Variants in DIP2C observed in about 807,000 individuals in gnomAD.
DIP2C encodes disco-interacting protein 2 homolog C.
A neutral mutation model predicts 192.4 loss-of-function variants in DIP2C; 33 were observed. The observed-to-expected ratio is 0.17, with a 90% CI of 0.13 to 0.23. The LOEUF (loss-of-function observed/expected upper bound fraction) is 0.23, where lower values mean the gene tolerates loss of function less well. Ranked by LOEUF, DIP2C falls within the 10% of genes least tolerant of loss-of-function variation. The probability of loss-of-function intolerance (pLI) is 1.00; values close to 1 mark genes in which losing one functional copy is unlikely to be tolerated. For synonymous variants in DIP2C, 979 were observed against 864.1 expected, an observed-to-expected ratio of 1.13 and a Z score of -2.33; for missense variants, 1,537 against 2,110.1, an observed-to-expected ratio of 0.73 and a Z score of 5.32.
intron 1 of DIP2C, among the ~76,000 whole-genome samples, chr10:556,086 A>AC (rs369490169): frequency 1.0e-4 from 5 of 48,236 alleles, no homozygotes; most frequent in African/African-American, 1.8e-4. Context: ...GCACCCACCC[A>AC]CCCCCCCTTC....
Position 422,930 on chromosome 10 carries a change from C to T in DIP2C, c.498G>A (p.Gln166=). The T allele has an allele frequency of 6.2e-7, 1 of 1,614,148 alleles. No individual in the cohort carries two copies. The highest frequency in any genetic ancestry group is 8.5e-7 in the Non-Finnish European group (1 of 1,180,038). Residue 166 remains glutamine (Q), a synonymous_variant, in exon 5 of 37, where the codon CAG becomes CAA. Transcript: ENST00000280886. Reference sequence around the variant, plus strand: ...TGGACGTGGTGGAGCCGTGGATGGCCTGGCTGATCCAGTGCTCCATATTGA... The same window carrying T: ...TGGACGTGGTGGAGCCGTGGATGGCTTGGCTGATCCAGTGCTCCATATTGA... The part of the protein sequence containing the change: ...GSINMEHWIS[Q]AIHGSTTSTT...
chr10:539,668 C>CA (rs1456536586), intron 1 of DIP2C, among the ~76,000 whole-genome samples: 1 of 152,322 alleles, frequency 6.6e-6, no homozygotes, highest in East Asian at 1.9e-4. Flanking sequence ...GTTCCTGGTC[C>CA]AGAGACTTGA....
At chr10:478,830 C>A (rs189356208) in intron 2 of DIP2C, among the ~76,000 whole-genome samples, 1 of 152,252 alleles carries the variant, frequency 6.6e-6, no homozygotes, top group Admixed American at 6.5e-5. Context: ...CGTGTCCGGG[C>A]GTGCTGGGGG....
intron 3 of DIP2C, among the ~76,000 whole-genome samples, 168 bp downstream of exon 3, chr10:472,271 G>A (rs760894123): frequency 3.3e-5 from 5 of 152,154 alleles, no homozygotes; most frequent in African/African-American, 4.8e-5. Flanking sequence ...GCTATTTACC[G>A]GACACTGGCG....
chr10:280,820 C>G (rs1001389101), intron 36 of DIP2C, among the ~76,000 whole-genome samples: 17 of 152,086 alleles, frequency 1.1e-4, no homozygotes, highest in African/African-American at 3.1e-4. Flanking sequence ...TTTCCCATGT[C>G]TCATGTTACT....
chr10:325,350 C>T lies in DIP2C; in HGVS notation c.3924+1656G>A, dbSNP rs530192659. On this transcript the variant is annotated intron_variant, in intron 31 of 36. Transcript: ENST00000280886. ...GTAAAGAGGAAAATAAATGTATGTA[C>T]TCTACAAGAGGCCAATTTTACACCA... 4.6e-5 allele frequency among the ~76,000 whole-genome samples: 7 copies of T among 152,248 alleles called. No individual in the cohort carries two copies. In the South Asian group the frequency reaches 1.2e-3, roughly 27 times the overall value.
At chr10:510,240 T>A (rs1845920729) in intron 1 of DIP2C, among the ~76,000 whole-genome samples, 1 of 152,102 alleles carries the variant, frequency 6.6e-6, no homozygotes, top group Non-Finnish European at 1.5e-5. Context: ...AGCCCCAGTT[T>A]AGAGATGAGG....
intron 5 of DIP2C, among the ~76,000 whole-genome samples, chr10:420,599 T>A (rs972170923): frequency 2.0e-5 from 3 of 152,184 alleles, no homozygotes; most frequent in Non-Finnish European, 4.4e-5. Context: ...AGCTTGTAGA[T>A]GGACAGCGGG....
intron 2 of DIP2C, among the ~76,000 whole-genome samples, chr10:473,972 T>C (rs1278717651): frequency 6.6e-6 from 1 of 152,196 alleles, no homozygotes; most frequent in Non-Finnish European, 1.5e-5. Flanking sequence ...TCCTACACCG[T>C]CATTTTGCTA....
At position 541,837 on chromosome 10, in the gene DIP2C, T is replaced by C. The variant is rs1420293969; in HGVS notation, c.86-55307A>G. ...CCCACAGCATGACCCTCCACCTGACTGCACCCTGTCTAGTGCATCCCTGCA... is the reference window on the plus strand; with the variant it reads ...CCCACAGCATGACCCTCCACCTGACCGCACCCTGTCTAGTGCATCCCTGCA... On this transcript the variant is annotated intron_variant, in intron 1 of 36. Transcript: ENST00000280886. Among the ~76,000 whole-genome samples, 4 of 152,120 alleles carry C rather than the reference T, an allele frequency of 2.6e-5. No homozygotes were observed. The South Asian group carries it at 6.2e-4, about 24-fold the overall frequency.
At chr10:659,750 G>T (rs139993064) in intron 1 of DIP2C, among the ~76,000 whole-genome samples, 256 of 152,346 alleles carry the variant, frequency 1.7e-3, no homozygotes, top group African/African-American at 5.9e-3. Context: ...ACAGGGTTGT[G>T]TGATACGATG....
intron 1 of DIP2C, among the ~76,000 whole-genome samples, chr10:577,810 TTTG>T (rs1850264478): frequency 6.8e-6 from 1 of 147,730 alleles, no homozygotes; most frequent in Non-Finnish European, 1.5e-5. Flanking sequence ...TTTTGTTTCT[TTTG>T]TTTTTTTGTG....
chr10:456,297 A>G (rs7085707), intron 3 of DIP2C, among the ~76,000 whole-genome samples: 1,399 of 59,142 alleles, frequency 0.024, 95 homozygotes, highest in African/African-American at 0.12. Context: ...AGGGGAGGCC[A>G]TGAGGAGTAA....
intron 1 of DIP2C, among the ~76,000 whole-genome samples, chr10:562,014 T>C (rs934833995): frequency 1.3e-5 from 2 of 152,206 alleles, no homozygotes; most frequent in Non-Finnish European, 1.5e-5. Context: ...ATAGTGATTC[T>C]AAAATAATCA....
chr10:333,974 T>C lies in DIP2C; in HGVS notation c.3585-4373A>G, dbSNP rs138583192. The stretch of plus-strand genomic sequence containing the variant: ...TGGTGAGATATCTATTCAGATCTCT[T>C]GCCCGTGTTTATGTTGCTTGTTTCT... On this transcript the variant is annotated intron_variant, in intron 29 of 36. Transcript: ENST00000280886. Among the ~76,000 whole-genome samples the C allele has an allele frequency of 2.2e-3, 331 of 152,332 alleles. 4 individuals are homozygous for C. The highest frequency in any genetic ancestry group is 6.9e-3 in the African/African-American group (288 of 41,568).
intron 1 of DIP2C, among the ~76,000 whole-genome samples, chr10:598,846 C>G (rs1851879651): frequency 6.6e-6 from 1 of 152,242 alleles, no homozygotes; most frequent in African/African-American, 2.4e-5. Flanking sequence ...ATCTTTGTAA[C>G]TCTGCATCAA....
rs1352191413 is a variant in DIP2C, at chr10:517,722, T to C, written c.86-31192A>G. The stretch of plus-strand genomic sequence containing the variant: ...ACCAGCAGAAAGATGGTCCCTTTGA[T>C]TGACGGCTTACAAACACAAGTATGT... On this transcript the variant is annotated intron_variant, in intron 1 of 36. Coordinates refer to ENST00000280886, the MANE Select transcript of DIP2C (RefSeq NM_014974.3). Among the ~76,000 whole-genome samples, 4 of 152,190 alleles carry C rather than the reference T, an allele frequency of 2.6e-5. No individual in the cohort carries two copies. The East Asian group carries it at 5.8e-4, about 22-fold the overall frequency.
intron 32 of DIP2C, among the ~76,000 whole-genome samples, chr10:296,478 G>A (rs1955759331): frequency 1.3e-5 from 2 of 152,128 alleles, no homozygotes; most frequent in African/African-American, 2.4e-5. Flanking sequence ...AAGACATTGT[G>A]GCAATTCCTC....
chr10:583,985 G>T (rs868029797), intron 1 of DIP2C, among the ~76,000 whole-genome samples: 4 of 152,262 alleles, frequency 2.6e-5, no homozygotes, highest in Middle Eastern at 3.4e-3. Context: ...GGGGGCCAGG[G>T]TGCTGGGTGG....
Sources: gnomAD v4.1 joint callset for allele counts (sites outside exome capture counted in the v4.1 genomes callset) on GRCh38, gnomAD v4.1.1 for gene constraint, MANE v1.5 for transcripts, NCBI Gene and HGNC (gene_info 2026-07-23, HGNC 2026-07-21) for gene names.